FMO4: variants seen among roughly 807,000 people sequenced by gnomAD.
The protein encoded by FMO4 is dimethylaniline monooxygenase [N-oxide-forming] 4.
A neutral mutation model predicts 43.3 loss-of-function variants in FMO4; 38 were observed. That is an observed-to-expected ratio of 0.88 (90% CI 0.68 to 1.15). FMO4 has a LOEUF of 1.15. Ranked by LOEUF, FMO4 falls within the 50% of genes most tolerant of loss-of-function variation. FMO4 has a pLI of 0.00. For synonymous variants in FMO4, 224 were observed against 232.2 expected (o/e 0.96, Z 0.32); for missense variants, 631 against 663.3 (o/e 0.95, Z 0.54).
At chr1:171,331,189 A>C (rs989183183) in intron 5 of FMO4, among the ~76,000 whole-genome samples, 2 of 152,216 alleles carry the variant, frequency 1.3e-5, no homozygotes, top group Non-Finnish European at 2.9e-5. Context: ...TGTTTGTTCA[A>C]GATCTTTATT....
rs577820131 is a variant in FMO4, at chr1:171,316,002, C to G, written c.-150-184C>G. ...TTTTTTAAATTCTAAGACTTTACTACTATTTCTTAGTTGCAGGGTCTTCAT... is the reference window on the plus strand; with the variant it reads ...TTTTTTAAATTCTAAGACTTTACTAGTATTTCTTAGTTGCAGGGTCTTCAT... On this transcript the variant is annotated intron_variant, in intron 1 of 9. Coordinates refer to ENST00000367749, the MANE Select transcript of FMO4 (RefSeq NM_002022.3). Among the ~76,000 whole-genome samples, 137 of 152,240 alleles carry G rather than the reference C, an allele frequency of 9.0e-4. 1 individual carries two copies. The highest frequency in any genetic ancestry group is 3.1e-3 in the African/African-American group (130 of 41,556).
At position 171,332,766 on chromosome 1, in the gene FMO4, T is replaced by A; in HGVS notation, c.685T>A (p.Tyr229Asn). 1 of 1,612,236 alleles carries A rather than the reference T, an allele frequency of 6.2e-7. No individual in the cohort carries two copies. Among genetic ancestry groups the A allele is most frequent in the Non-Finnish European group, 8.5e-7 (1 of 1,178,354 alleles). ...WVLGRSSDWG[Y>N]PYNMMVTRRC... ...TCTTGGGCGCTCTTCAGATTGGGGCTATCCTTATAATATGATGGTTACAAG... is the reference window on the plus strand; with the variant it reads ...TCTTGGGCGCTCTTCAGATTGGGGCAATCCTTATAATATGATGGTTACAAG... The change falls in exon 7 of 10, where the codon TAT becomes AAT. Residue 229 changes from tyrosine to asparagine, a missense_variant. Coordinates refer to ENST00000367749, the MANE Select transcript of FMO4 (RefSeq NM_002022.3).
chr1:171,327,117 A>G (rs1335827625), intron 5 of FMO4, among the ~76,000 whole-genome samples: 2 of 152,194 alleles, frequency 1.3e-5, no homozygotes, highest in Non-Finnish European at 2.9e-5. Context: ...TCCCTCCAGG[A>G]AAACCTCATA....
Position 171,337,357 on chromosome 1 carries a change from A to G in FMO4, c.1182A>G (p.Gly394=), listed in dbSNP as rs1034566829. ...TGTTGTTTGTGATTTTTCCCACAGG[A>G]CTCTGTAAGATACCTCCATCCCAAA... The part of the protein sequence containing the change: ...QARWVTRVFK[G]LCKIPPSQKL... The change falls in exon 9 of 10, where the codon GGA becomes GGG. Residue 394 remains glycine, a splice_region_variant and synonymous_variant. Coordinates refer to ENST00000367749, the MANE Select transcript of FMO4 (RefSeq NM_002022.3). The G allele has an allele frequency of 3.1e-6, 5 of 1,606,790 alleles. No homozygotes were observed. The highest frequency in any genetic ancestry group is 3.3e-4 in the Middle Eastern group (2 of 6,044).
chr1:171,335,723 A>C (rs1663090452), intron 8 of FMO4, among the ~76,000 whole-genome samples: 1 of 152,028 alleles, frequency 6.6e-6, no homozygotes, highest in African/African-American at 2.4e-5. Context: ...AGTTGGCACA[A>C]AAAAAAATGT....
At position 171,341,912 on chromosome 1, in the gene FMO4, C is replaced by T; in HGVS notation, c.*73C>T. 2 of 1,244,664 alleles carry T rather than the reference C, an allele frequency of 1.6e-6. No individual in the cohort carries two copies. Among genetic ancestry groups the T allele is most frequent in the Non-Finnish European group, 1.1e-6 (1 of 892,326 alleles). The allele number at this position is 1,244,664 out of a possible 1,614,324, so 77.1% of individuals were successfully genotyped here. A position where few individuals can be genotyped will look rare whatever the true frequency, so the allele number is the denominator to read the frequency against. On this transcript the variant is annotated 3_prime_UTR_variant, in exon 10 of 10. Coordinates refer to ENST00000367749, the MANE Select transcript of FMO4 (RefSeq NM_002022.3). ...AAGTATCTTGTGCATCCCTCCTCTG[C>T]TCTCCATCATAACTGCTATTAGCCA...
intron 7 of FMO4, among the ~76,000 whole-genome samples, chr1:171,333,364 C>T (rs963603810): frequency 3.9e-5 from 6 of 152,108 alleles, no homozygotes; most frequent in African/African-American, 1.4e-4. Flanking sequence ...GCTAGGACTA[C>T]AGGCACAGGC....
chr1:171,341,820 T>G lies in FMO4; in HGVS notation c.1658T>G (p.Val553Gly), dbSNP rs200262164. The change falls in exon 10 of 10, where the codon GTA becomes GGA. Residue 553 changes from valine (V) to glycine (G), a missense_variant. Transcript: ENST00000367749. ...KLQDRMSPYL[V>G]SLWRG ...CAGGACAGAATGTCCCCTTACCTAG[T>G]AAGTCTTTGGCGAGGATGAACCTGA... 2.1e-5 allele frequency: 34 copies of G among 1,612,380 alleles called. No homozygotes were observed. The highest frequency in any genetic ancestry group is 5.0e-5 in the Admixed American group (3 of 59,848).
At chr1:171,319,978 A>C (rs775434499) in intron 3 of FMO4, 21 bp downstream of exon 3, 6 of 1,613,050 alleles carry the variant, frequency 3.7e-6, no homozygotes, top group Non-Finnish European at 5.1e-6. Context: ...CATCTCTATC[A>C]GTCATGATCT....
chr1:171,323,249 C>A, intron 4 of FMO4, 57 bp downstream of exon 4: 3 of 1,164,496 alleles, frequency 2.6e-6, no homozygotes, highest in Non-Finnish European at 3.7e-6. Context: ...ATTCAGCAAT[C>A]TAATGAAAAT....
At chr1:171,321,991 G>C (rs12084314) in intron 3 of FMO4, among the ~76,000 whole-genome samples, 7,113 of 152,242 alleles carry the variant, frequency 0.047, 546 homozygotes, top group African/African-American at 0.16. Context: ...TCAGCCACAA[G>C]AAGTTCATTG....
At chr1:171,315,771 CTCTA>C (rs1278126716) in intron 1 of FMO4, among the ~76,000 whole-genome samples, 1 of 152,186 alleles carries the variant, frequency 6.6e-6, no homozygotes, top group East Asian at 1.9e-4. Context: ...CCTGTAGAGT[CTCTA>C]AGTCAGTCCT....
Position 171,342,044 on chromosome 1 carries a change from C to A in FMO4, c.*205C>A, listed in dbSNP as rs1012188126. The A allele has an allele frequency of 1.8e-6, 1 of 547,818 alleles. No homozygotes were observed. The highest frequency in any genetic ancestry group is 1.9e-5 in the African/African-American group (1 of 52,986). The allele number at this position is 547,818 out of a possible 1,614,324, so 33.9% of individuals were successfully genotyped here. On this transcript the variant is annotated 3_prime_UTR_variant, in exon 10 of 10. Transcript: ENST00000367749. ...TCCAATGCATCTTCTACCCTGCTAC[C>A]TCAGTGATTATTCTAAAATAAATAT...
rs748349850 is a variant in FMO4 at position 171,326,587 on chromosome 1, G to A, written c.484+2287G>A. On this transcript the variant is annotated intron_variant, in intron 5 of 9. Transcript: ENST00000367749. ...GGAGTGCACAGATACAAAGTTGTTT[G>A]ACAGGAACTCTCATTAATTTATAGA... 3.3e-5 allele frequency among the ~76,000 whole-genome samples: 5 copies of A among 152,236 alleles called. 1 individual carries two copies. The South Asian group carries it at 8.3e-4, about 25-fold the overall frequency.
intron 6 of FMO4, 119 bp downstream of exon 6, chr1:171,331,901 T>TG (rs1289314557): frequency 2.2e-5 from 17 of 771,124 alleles, no homozygotes; most frequent in East Asian, 1.3e-4. Context: ...ACACAGTAAG[T>TG]GGGAAAAAAA....
chr1:171,318,413 G>A (rs547106156), intron 2 of FMO4, among the ~76,000 whole-genome samples: 1 of 152,118 alleles, frequency 6.6e-6, no homozygotes, highest in East Asian at 1.9e-4. Flanking sequence ...CACTTTGGGA[G>A]GCCAAGGCAG....
intron 9 of FMO4, among the ~76,000 whole-genome samples, chr1:171,340,670 T>C (rs1461151198): frequency 5.3e-5 from 8 of 152,214 alleles, no homozygotes; most frequent in South Asian, 2.1e-4. Flanking sequence ...AAAGATCATG[T>C]AGATTGGGGT....
chr1:171,328,397 TC>T (rs1662755824), intron 5 of FMO4, among the ~76,000 whole-genome samples: 1 of 151,380 alleles, frequency 6.6e-6, no homozygotes, highest in Non-Finnish European at 1.5e-5. Flanking sequence ...ACACCTATAA[TC>T]CCAGCACTTT....
Position 171,329,358 on chromosome 1 carries a change from C to T in FMO4, c.485-2282C>T, listed in dbSNP as rs183252926. Among the ~76,000 whole-genome samples the T allele has an allele frequency of 2.4e-4, 37 of 152,254 alleles. 1 individual carries two copies. In the East Asian group the frequency reaches 6.4e-3, roughly 26 times the overall value. The stretch of plus-strand genomic sequence containing the variant: ...TATATGCTCTCAGGCTGGCTACCTA[C>T]AACTCTCTAACCCCCAGTTCTCCCC... On this transcript the variant is annotated intron_variant, in intron 5 of 9. Coordinates refer to ENST00000367749, the MANE Select transcript of FMO4 (RefSeq NM_002022.3).
Sources: gnomAD v4.1 joint callset for allele counts (sites outside exome capture counted in the v4.1 genomes callset) on GRCh38, gnomAD v4.1.1 for gene constraint, MANE v1.5 for transcripts, NCBI Gene and HGNC (gene_info 2026-07-23, HGNC 2026-07-21) for gene names.